MAGI1: variants seen among roughly 807,000 people sequenced by gnomAD.
MAGI1 encodes membrane-associated guanylate kinase, WW and PDZ domain-containing protein 1.
In MAGI1, 58 loss-of-function variants were observed where a neutral mutation model predicts 139.9. That is an observed-to-expected ratio of 0.41 (90% CI 0.34 to 0.52). MAGI1 has a LOEUF of 0.52. Among genes scored for constraint, MAGI1 ranks in the 20% least tolerant of loss-of-function variants. The probability of loss-of-function intolerance (pLI) is 0.12; values close to 1 mark genes in which losing one functional copy is unlikely to be tolerated. For synonymous variants in MAGI1, 812 were observed against 737.9 expected (o/e 1.10, Z -1.63); for missense variants, 1,874 against 1,901.6 (o/e 0.99, Z 0.27).
chr3:65,379,603 C>T (rs1942871175), intron 16 of MAGI1, 49 bp from the exon 17 acceptor site: 13 of 1,564,048 alleles, frequency 8.3e-6, no homozygotes, highest in Non-Finnish European at 1.1e-5. Flanking sequence ...GCAGCCCCTC[C>T]ATCCTGCTGC....
chr3:65,595,916 T>G (rs2082173236), intron 2 of MAGI1, among the ~76,000 whole-genome samples: 2 of 152,072 alleles, frequency 1.3e-5, no homozygotes, highest in South Asian at 4.2e-4. Flanking sequence ...GGAAAGGCAT[T>G]GAGAGACAGG....
intron 2 of MAGI1, among the ~76,000 whole-genome samples, chr3:65,560,180 A>T (rs1363044094): frequency 6.6e-6 from 1 of 152,220 alleles, no homozygotes; most frequent in Non-Finnish European, 1.5e-5. Flanking sequence ...TATATAGGGG[A>T]TTCCCTGGTA....
chr3:65,560,027 C>T (rs531192284), intron 2 of MAGI1, among the ~76,000 whole-genome samples: 2 of 152,242 alleles, frequency 1.3e-5, no homozygotes, highest in East Asian at 3.9e-4. Context: ...GAGAGTGAGA[C>T]CCTGTCTCGA....
chr3:66,014,057 C>T (rs374334452), intron 1 of MAGI1, among the ~76,000 whole-genome samples: 38 of 152,310 alleles, frequency 2.5e-4, no homozygotes, highest in African/African-American at 7.5e-4. Context: ...CTGTAAACTA[C>T]ACCAACGAGT....
intron 3 of MAGI1, among the ~76,000 whole-genome samples, chr3:65,483,655 C>T (rs1951433196): frequency 6.6e-6 from 1 of 152,216 alleles, no homozygotes. Context: ...ACACACGTTT[C>T]CTGCAGTGGC....
rs773041386 is a variant in MAGI1, at chr3:65,423,302, ACT to A, written c.2167+6216_2167+6217del. On this transcript the variant is annotated intron_variant, in intron 12 of 22. Transcript: ENST00000402939. ...AGAAGTGCCTGATCACTTGGGTTTA[ACT>A]CTCTGTGCATGGCTTACCGTGGTTC... is the stretch of plus-strand genomic sequence containing the variant. Among the ~76,000 whole-genome samples, 33 of 152,068 alleles carry A rather than the reference ACT, an allele frequency of 2.2e-4. 2 individuals carry two copies. Among genetic ancestry groups the A allele is most frequent in the Admixed American group, 1.7e-3 (26 of 15,268 alleles).
chr3:65,657,338 T>G (rs1276612052), intron 1 of MAGI1, among the ~76,000 whole-genome samples: 1 of 151,162 alleles, frequency 6.6e-6, no homozygotes, highest in African/African-American at 2.4e-5. Context: ...CTCACACCTG[T>G]AGTCCAAGCA....
chr3:66,010,346 C>G (rs938472649), intron 1 of MAGI1, among the ~76,000 whole-genome samples: 2 of 152,172 alleles, frequency 1.3e-5, no homozygotes, highest in Non-Finnish European at 1.5e-5. Flanking sequence ...TCCCAATATG[C>G]ATATCCCTAG....
intron 1 of MAGI1, among the ~76,000 whole-genome samples, chr3:65,896,938 G>A (rs868594725): frequency 3.3e-5 from 5 of 152,080 alleles, no homozygotes; most frequent in South Asian, 4.2e-4. Context: ...CTCCATATCC[G>A]AGAAAAATTG....
intron 1 of MAGI1, among the ~76,000 whole-genome samples, chr3:65,979,022 C>T (rs1371160604): frequency 2.0e-5 from 3 of 149,362 alleles, no homozygotes; most frequent in Non-Finnish European, 4.4e-5. Flanking sequence ...ATCTCACTCA[C>T]GTTTTTTTAA....
At chr3:65,530,658 T>TATACATATATATATAC (rs1559642194) in intron 2 of MAGI1, among the ~76,000 whole-genome samples, 23 of 130,622 alleles carry the variant, frequency 1.8e-4, no homozygotes, top group South Asian at 1.2e-3. Flanking sequence ...TGTGTGTGTG[T>TATACATATATATATAC]GTGTATATAT....
chr3:65,549,061 G>A (rs969693501), intron 2 of MAGI1, among the ~76,000 whole-genome samples: 1 of 152,134 alleles, frequency 6.6e-6, no homozygotes, highest in Non-Finnish European at 1.5e-5. Flanking sequence ...CACCTGCCCT[G>A]GCGCCGCAGC....
intron 4 of MAGI1, among the ~76,000 whole-genome samples, chr3:65,470,933 C>G (rs1950524181): frequency 6.6e-6 from 1 of 152,178 alleles, no homozygotes; most frequent in African/African-American, 2.4e-5. Flanking sequence ...GCATTACTGT[C>G]CACTCTTGTA....
intron 1 of MAGI1, among the ~76,000 whole-genome samples, chr3:65,837,600 T>G (rs998306776): frequency 6.6e-6 from 1 of 152,214 alleles, no homozygotes; most frequent in Non-Finnish European, 1.5e-5. Context: ...AACGTCCTGA[T>G]GCTTGGTAAC....
chr3:65,907,871 C>T (rs1575975046), intron 1 of MAGI1, among the ~76,000 whole-genome samples: 1 of 152,128 alleles, frequency 6.6e-6, no homozygotes, highest in East Asian at 1.9e-4. Flanking sequence ...TATCCATTTG[C>T]CTGACTTGGC....
At chr3:65,881,001 G>A (rs534609340) in intron 1 of MAGI1, among the ~76,000 whole-genome samples, 95 of 151,802 alleles carry the variant, frequency 6.3e-4, no homozygotes, top group African/African-American at 1.9e-3. Flanking sequence ...TCTGCCTCCC[G>A]GGCTCAAGCG....
At chr3:65,505,814 T>G (rs551419267) in intron 2 of MAGI1, among the ~76,000 whole-genome samples, 1 of 152,030 alleles carries the variant, frequency 6.6e-6, no homozygotes, top group Non-Finnish European at 1.5e-5. Context: ...TTATTATGTA[T>G]AAATTGTGTA....
intron 1 of MAGI1, among the ~76,000 whole-genome samples, chr3:65,956,370 T>C (rs2064127446): frequency 6.6e-6 from 1 of 152,150 alleles, no homozygotes; most frequent in South Asian, 2.1e-4. Context: ...TAGGTTTACA[T>C]AGCCTGCCAC....
chr3:65,590,583 G>GTAAACTGC (rs1056026205), intron 2 of MAGI1, among the ~76,000 whole-genome samples: 2 of 152,174 alleles, frequency 1.3e-5, no homozygotes, highest in Non-Finnish European at 2.9e-5. Flanking sequence ...TAAAGGAGAT[G>GTAAACTGC]TACTTTAAAA....
Sources: allele counts gnomAD v4.1 joint callset (sites outside exome capture counted in the v4.1 genomes callset), GRCh38; gene constraint gnomAD v4.1.1; transcripts MANE v1.5; gene names NCBI Gene and HGNC (gene_info 2026-07-23, HGNC 2026-07-21).